The following DEPDC1B variants were observed in gnomAD, a reference collection of about 807,000 sequenced individuals.
DEPDC1B encodes the protein DEP domain containing 1B.
In DEPDC1B, 51 loss-of-function variants were observed where a neutral mutation model predicts 66.5. That is an observed-to-expected ratio of 0.77 (90% confidence interval 0.61 to 0.97). The LOEUF (loss-of-function observed/expected upper bound fraction) is 0.97. DEPDC1B is among the 50% of genes least tolerant of loss of function. The pLI, the probability that DEPDC1B is intolerant of heterozygous loss-of-function variation, is 0.00. For missense variants in DEPDC1B, 552 were observed against 637.1 expected, an observed-to-expected ratio of 0.87 and a Z score of 1.44; for synonymous variants, 226 against 223.6, an observed-to-expected ratio of 1.01 and a Z score of -0.10.
chr5:60,646,722 G>A (rs1272799597), intron 3 of DEPDC1B, among the ~76,000 whole-genome samples: 5 of 152,188 alleles, frequency 3.3e-5, no homozygotes, highest in African/African-American at 7.2e-5. Flanking sequence ...GGAGGTAAGC[G>A]TTGGGCAAGT....
intron 2 of DEPDC1B, among the ~76,000 whole-genome samples, chr5:60,654,340 C>T (rs558664038): frequency 1.4e-5 from 2 of 147,606 alleles, no homozygotes; most frequent in South Asian, 2.3e-4. Flanking sequence ...AGGTATATTC[C>T]CTAAGTTTTT....
intron 2 of DEPDC1B, among the ~76,000 whole-genome samples, chr5:60,659,276 C>G (rs893369666): frequency 2.0e-5 from 3 of 152,154 alleles, no homozygotes; most frequent in Admixed American, 2.0e-4. Flanking sequence ...CCCTCCACCC[C>G]CCGTAACATC....
In DEPDC1B at chr5:60,700,116, C is replaced by T. The variant is rs773294265; in HGVS notation, c.-23G>A. The T allele has an allele frequency of 4.5e-6, 7 of 1,541,210 alleles. No individual in the cohort carries two copies. In the South Asian group the frequency reaches 7.2e-5, roughly 16 times the overall value. The stretch of plus-strand genomic sequence containing the variant: ...CATGGCGCGTAGGCAGCAGCGGCCG[C>T]AGCCGCGCCAGCGCTGATCCCCGCC... On this transcript the variant is annotated 5_prime_UTR_variant, in exon 1 of 11. Transcript: ENST00000265036.
At position 60,676,837 on chromosome 5, in the gene DEPDC1B, T is replaced by C. The variant is rs187126260; in HGVS notation, c.314+10125A>G. ...TGGATCACAGACACAATTCCTACAATGGCCAGGCAGATAACATAATCATGA... is the reference window on the plus strand; with the variant it reads ...TGGATCACAGACACAATTCCTACAACGGCCAGGCAGATAACATAATCATGA... On this transcript the variant is annotated intron_variant, in intron 2 of 10. Coordinates refer to ENST00000265036, the MANE Select transcript of DEPDC1B (RefSeq NM_018369.3). 5.7e-3 allele frequency among the ~76,000 whole-genome samples: 870 copies of C among 152,172 alleles called. 9 individuals are homozygous for C. Among genetic ancestry groups the C allele is most frequent in the Non-Finnish European group, 5.2e-3 (352 of 68,012 alleles).
At chr5:60,657,266 A>G (rs527683291) in intron 2 of DEPDC1B, among the ~76,000 whole-genome samples, 1 of 152,328 alleles carries the variant, frequency 6.6e-6, no homozygotes, top group African/African-American at 2.4e-5. Flanking sequence ...GTATCTTTTA[A>G]GTGGAGCATT....
chr5:60,613,800 G>GTT (rs1752474496), intron 7 of DEPDC1B, among the ~76,000 whole-genome samples: 1 of 103,728 alleles, frequency 9.6e-6, no homozygotes, highest in East Asian at 2.9e-4. Flanking sequence ...GTGTGTGTGT[G>GTT]TGTGTGTGTG....
rs1250095718 is a variant in DEPDC1B at position 60,667,776 on chromosome 5, CAT to C, written c.314+19184_314+19185del. 2.9e-4 allele frequency among the ~76,000 whole-genome samples: 25 copies of C among 87,186 alleles called. 3 individuals are homozygous for C. Among genetic ancestry groups the C allele is most frequent in the Admixed American group, 8.9e-4 (7 of 7,866 alleles). The allele number at this position is 87,186 out of a possible 152,430, so 57.2% of individuals were successfully genotyped here. On this transcript the variant is annotated intron_variant, in intron 2 of 10. Coordinates refer to ENST00000265036, the MANE Select transcript of DEPDC1B (RefSeq NM_018369.3). ...ATATATATAAAAAATGGATATTTTACATATATATAAAAAATGGATATTTTACA... is the reference window on the plus strand; with the variant it reads ...ATATATATAAAAAATGGATATTTTACATATATAAAAAATGGATATTTTACA...
rs139508506 is a variant in DEPDC1B, at chr5:60,651,251, G to A, written c.315-3718C>T. ...AATTATGTAAAAACTACAATGGGCCGGCACAGTGGCTCACACCTGTAATCC... is the reference window on the plus strand; with the variant it reads ...AATTATGTAAAAACTACAATGGGCCAGCACAGTGGCTCACACCTGTAATCC... On this transcript the variant is annotated intron_variant, in intron 2 of 10. Coordinates refer to ENST00000265036, the MANE Select transcript of DEPDC1B (RefSeq NM_018369.3). 3.8e-3 allele frequency among the ~76,000 whole-genome samples: 577 copies of A among 152,226 alleles called. 3 individuals are homozygous for A. The highest frequency in any genetic ancestry group is 0.013 in the African/African-American group (536 of 41,564).
intron 7 of DEPDC1B, among the ~76,000 whole-genome samples, chr5:60,607,527 C>T (rs930541911): frequency 1.3e-5 from 2 of 152,038 alleles, no homozygotes; most frequent in African/African-American, 2.4e-5. Flanking sequence ...AGGGGACATG[C>T]AGTGAGGAAT....
At chr5:60,682,116 A>G (rs1020126075) in intron 2 of DEPDC1B, among the ~76,000 whole-genome samples, 1 of 152,142 alleles carries the variant, frequency 6.6e-6, no homozygotes, top group African/African-American at 2.4e-5. Flanking sequence ...AACCAACCCA[A>G]ATGTCCAACA....
intron 6 of DEPDC1B, among the ~76,000 whole-genome samples, chr5:60,640,204 G>C (rs1753155310): frequency 6.6e-6 from 1 of 152,144 alleles, no homozygotes; most frequent in Admixed American, 6.5e-5. Context: ...CTGCCATTTT[G>C]CTTGCCTCCT....
chr5:60,618,832 CAA>C (rs1249953006), intron 7 of DEPDC1B, among the ~76,000 whole-genome samples: 1 of 151,846 alleles, frequency 6.6e-6, no homozygotes, highest in African/African-American at 2.4e-5. Flanking sequence ...AGAGACACAA[CAA>C]AAAAAGAGAA....
chr5:60,605,548 C>T lies in DEPDC1B; in HGVS notation c.1065+142G>A, dbSNP rs147600124. 9.9e-4 allele frequency: 803 copies of T among 814,082 alleles called. 4 individuals are homozygous for T. Among genetic ancestry groups the T allele is most frequent in the African/African-American group, 6.7e-3 (382 of 56,710 alleles). 50.4% of individuals were successfully genotyped at this position (814,082 alleles called of 1,614,324 possible). A position where few individuals can be genotyped will look rare whatever the true frequency, so the allele number is the denominator to read the frequency against. ...CTTTAAGACACTTAGAACAAAAGCACGACACAAGTCTGGGTGGACACTGAC... is the reference window on the plus strand; with the variant it reads ...CTTTAAGACACTTAGAACAAAAGCATGACACAAGTCTGGGTGGACACTGAC... On this transcript the variant is annotated intron_variant, in intron 8 of 10. Coordinates refer to ENST00000265036, the MANE Select transcript of DEPDC1B (RefSeq NM_018369.3).
intron 2 of DEPDC1B, among the ~76,000 whole-genome samples, chr5:60,661,099 A>G (rs1304979827): frequency 6.6e-6 from 1 of 152,178 alleles, no homozygotes; most frequent in African/African-American, 2.4e-5. Flanking sequence ...TCTGAAATAA[A>G]TTTGCATAAG....
chr5:60,665,777 C>T (rs1044438803), intron 2 of DEPDC1B, among the ~76,000 whole-genome samples: 1 of 152,192 alleles, frequency 6.6e-6, no homozygotes, highest in Non-Finnish European at 1.5e-5. Context: ...ACTGCACCTA[C>T]CTTTAAACAC....
At chr5:60,664,495 T>C (rs1584080564) in intron 2 of DEPDC1B, among the ~76,000 whole-genome samples, 1 of 152,220 alleles carries the variant, frequency 6.6e-6, no homozygotes, top group East Asian at 1.9e-4. Context: ...TGTGCACTTG[T>C]GCAACTCTTA....
intron 1 of DEPDC1B, among the ~76,000 whole-genome samples, chr5:60,697,288 C>T (rs1317193205): frequency 6.6e-6 from 1 of 151,756 alleles, no homozygotes; most frequent in African/African-American, 2.4e-5. Flanking sequence ...AGAAAAAGCA[C>T]CAAAGAGCTT....
chr5:60,605,543 A>C, intron 8 of DEPDC1B, 147 bp downstream of exon 8: 1 of 773,852 alleles, frequency 1.3e-6, no homozygotes, highest in Non-Finnish European at 1.9e-6. Flanking sequence ...CTTAGAACAA[A>C]AGCACGACAC....
At chr5:60,644,442 G>A (rs1430351151) in intron 5 of DEPDC1B, among the ~76,000 whole-genome samples, 1 of 152,108 alleles carries the variant, frequency 6.6e-6, no homozygotes, top group Non-Finnish European at 1.5e-5. Context: ...CTAACTCTTG[G>A]TTATGTCTTG....
Sources: allele counts gnomAD v4.1 joint callset (sites outside exome capture counted in the v4.1 genomes callset), GRCh38; gene constraint gnomAD v4.1.1; transcripts MANE v1.5; gene names NCBI Gene and HGNC (gene_info 2026-07-23, HGNC 2026-07-21).